Variants in SPAG16 observed in about 807,000 individuals in gnomAD.
SPAG16 encodes the protein sperm-associated antigen 16 protein.
Under a neutral mutation model 80.4 loss-of-function variants are expected in SPAG16, and 86 were observed. The observed-to-expected ratio is 1.07, with a 90% CI of 0.90 to 1.28. SPAG16 has a LOEUF of 1.28. SPAG16 is among the 50% of genes most tolerant of loss of function. SPAG16 has a pLI of 0.00. For synonymous variants in SPAG16, 294 were observed against 265.9 expected, an observed-to-expected ratio of 1.11 and a Z score of -1.03; for missense variants, 870 against 765.3, an observed-to-expected ratio of 1.14 and a Z score of -1.61.
intron 10 of SPAG16, among the ~76,000 whole-genome samples, chr2:213,818,910 C>T (rs2072748521): frequency 6.6e-6 from 1 of 152,126 alleles, no homozygotes; most frequent in African/African-American, 2.4e-5. Flanking sequence ...TTTCTGAAGC[C>T]TCCCCCGCCA....
chr2:214,070,702 T>C (rs2050747544), intron 13 of SPAG16, among the ~76,000 whole-genome samples: 1 of 152,090 alleles, frequency 6.6e-6, no homozygotes. Flanking sequence ...TAATTAAGTC[T>C]ATATTATATC....
At chr2:214,273,721 A>T (rs1217679549) in intron 15 of SPAG16, among the ~76,000 whole-genome samples, 1 of 127,676 alleles carries the variant, frequency 7.8e-6, no homozygotes, top group Non-Finnish European at 1.8e-5. Flanking sequence ...GTTTGAAGTC[A>T]GGTAGTGTGA....
chr2:213,964,185 A>G (rs2044591825), intron 12 of SPAG16, among the ~76,000 whole-genome samples: 1 of 152,158 alleles, frequency 6.6e-6, no homozygotes, highest in Non-Finnish European at 1.5e-5. Context: ...CTACATATGA[A>G]TAATAAAAAT....
At chr2:213,977,750 G>C (rs1190708444) in intron 12 of SPAG16, among the ~76,000 whole-genome samples, 3 of 151,932 alleles carry the variant, frequency 2.0e-5, no homozygotes, top group Non-Finnish European at 4.4e-5. Context: ...AGATTTAAGG[G>C]TCCAAGGACC....
intron 11 of SPAG16, among the ~76,000 whole-genome samples, chr2:213,875,639 C>T (rs1207613820): frequency 1.3e-5 from 2 of 152,024 alleles, no homozygotes; most frequent in Admixed American, 1.3e-4. Context: ...AGGGACCAGA[C>T]TCTGCGGAAT....
chr2:213,578,079 T>A (rs1452021831), intron 10 of SPAG16, among the ~76,000 whole-genome samples: 3 of 151,864 alleles, frequency 2.0e-5, no homozygotes, highest in Non-Finnish European at 4.4e-5. Context: ...AAGGAGGAAA[T>A]GTGTATGTTT....
chr2:213,867,550 T>C (rs1366457248), intron 11 of SPAG16, among the ~76,000 whole-genome samples: 5 of 152,132 alleles, frequency 3.3e-5, no homozygotes, highest in African/African-American at 1.2e-4. Context: ...AAAACACAAA[T>C]ACGGTTGCTA....
chr2:213,286,037 A>C (rs2062044408), intron 1 of SPAG16: 1 of 626,158 alleles, frequency 1.6e-6, no homozygotes, highest in Admixed American at 2.4e-5. Flanking sequence ...TTGTGAAATA[A>C]ATGGTAGGAG....
chr2:214,024,154 T>A (rs895126470), intron 13 of SPAG16, among the ~76,000 whole-genome samples: 1 of 151,638 alleles, frequency 6.6e-6, no homozygotes, highest in Non-Finnish European at 1.5e-5. Flanking sequence ...TTGTACTGTT[T>A]TTTTATGCTG....
intron 9 of SPAG16, among the ~76,000 whole-genome samples, chr2:213,418,495 T>C (rs1281289450): frequency 6.6e-6 from 1 of 152,228 alleles, no homozygotes; most frequent in Non-Finnish European, 1.5e-5. Flanking sequence ...TTTGATAATA[T>C]GTTTGATTCA....
At chr2:214,252,802 C>T (rs890216738) in intron 15 of SPAG16, among the ~76,000 whole-genome samples, 4 of 151,984 alleles carry the variant, frequency 2.6e-5, no homozygotes, top group African/African-American at 9.7e-5. Context: ...ATCCTTTGGG[C>T]ATATACCCAG....
intron 12 of SPAG16, among the ~76,000 whole-genome samples, chr2:213,986,105 A>G (rs1161497203): frequency 1.3e-5 from 2 of 152,104 alleles, no homozygotes; most frequent in African/African-American, 2.4e-5. Context: ...TAGTATTCCT[A>G]TGGGAATACA....
At chr2:213,965,789 C>G (rs1291315236) in intron 12 of SPAG16, among the ~76,000 whole-genome samples, 1 of 152,160 alleles carries the variant, frequency 6.6e-6, no homozygotes, top group African/African-American at 2.4e-5. Flanking sequence ...GCTCTCTGTT[C>G]TTGGTCTGCC....
chr2:214,037,864 GGTGT>G (rs35564156), intron 13 of SPAG16, among the ~76,000 whole-genome samples: 1,580 of 133,638 alleles, frequency 0.012, 28 homozygotes, highest in South Asian at 0.051. Context: ...CCAGAAGCCT[GGTGT>G]GTGTGTGTGT....
chr2:213,817,233 TATATATATATACTTATATATATG>T (rs2072604274), intron 10 of SPAG16, among the ~76,000 whole-genome samples: 1 of 141,408 alleles, frequency 7.1e-6, no homozygotes, highest in Non-Finnish European at 1.5e-5. Flanking sequence ...TATATATGCT[TATATATATATACTTATATATATG>T]ATATATATAT....
intron 9 of SPAG16, among the ~76,000 whole-genome samples, chr2:213,416,745 A>G (rs2069279918): frequency 6.6e-6 from 1 of 152,212 alleles, no homozygotes; most frequent in African/African-American, 2.4e-5. Context: ...ATCCAGCCAC[A>G]AGAGGAGACA....
At chr2:213,808,034 G>A (rs1205213750) in intron 10 of SPAG16, among the ~76,000 whole-genome samples, 2 of 151,230 alleles carry the variant, frequency 1.3e-5, no homozygotes, top group South Asian at 2.1e-4. Context: ...CAAGAAACAC[G>A]GAAAGAATGA....
At chr2:214,219,082 A>C (rs2058500759) in intron 15 of SPAG16, among the ~76,000 whole-genome samples, 1 of 152,230 alleles carries the variant, frequency 6.6e-6, no homozygotes, top group Non-Finnish European at 1.5e-5. Context: ...TTATGAAATA[A>C]TTAAGGACCC....
intron 15 of SPAG16, among the ~76,000 whole-genome samples, chr2:214,252,371 G>A (rs978544220): frequency 1.3e-4 from 20 of 151,860 alleles, no homozygotes; most frequent in African/African-American, 3.9e-4. Flanking sequence ...AGGTATACAC[G>A]TGCCATGGTG....
Sources: gnomAD v4.1 joint callset for allele counts (sites outside exome capture counted in the v4.1 genomes callset) on GRCh38, gnomAD v4.1.1 for gene constraint, MANE v1.5 for transcripts, NCBI Gene and HGNC (gene_info 2026-07-23, HGNC 2026-07-21) for gene names.